Variants in ACSS1 observed in about 807,000 individuals in gnomAD.
ACSS1 encodes the protein acetyl-coenzyme A synthetase 2-like, mitochondrial.
Under a neutral mutation model 75.3 loss-of-function variants are expected in ACSS1, and 42 were observed. The ratio of observed to expected loss-of-function variants is 0.56; its 90% confidence interval spans 0.44 to 0.72. The LOEUF is 0.72. ACSS1 is among the 30% of genes least tolerant of loss of function. ACSS1 has a pLI of 0.00. For missense variants in ACSS1, 782 were observed against 935.7 expected, an observed-to-expected ratio of 0.84 and a Z score of 2.14; for synonymous variants, 380 against 376.8, an observed-to-expected ratio of 1.01 and a Z score of -0.10.
rs571454349 is a variant in ACSS1 at position 25,035,752 on chromosome 20, T to C, written c.432-4794A>G. 1.1e-3 allele frequency among the ~76,000 whole-genome samples: 164 copies of C among 152,362 alleles called. 1 individual carries two copies. Among genetic ancestry groups the C allele is most frequent in the African/African-American group, 3.7e-3 (155 of 41,576 alleles). On this transcript the variant is annotated intron_variant, in intron 2 of 13. Coordinates refer to ENST00000323482, the MANE Select transcript of ACSS1 (RefSeq NM_032501.4). ...AGTTTAAACTCTCATTTTTCATTAG[T>C]AATATCCTCCAGACATATATTATTG...
intron 2 of ACSS1, among the ~76,000 whole-genome samples, chr20:25,044,105 C>T (rs762125085): frequency 6.6e-5 from 10 of 152,188 alleles, no homozygotes; most frequent in Non-Finnish European, 1.2e-4. Context: ...CAGGCTGCTT[C>T]CTGCACCTGG....
intron 2 of ACSS1, among the ~76,000 whole-genome samples, chr20:25,043,205 A>G (rs2089033321): frequency 6.6e-6 from 1 of 152,098 alleles, no homozygotes; most frequent in Non-Finnish European, 1.5e-5. Flanking sequence ...CTGCCTCTCA[A>G]AACTCAACCC....
intron 2 of ACSS1, among the ~76,000 whole-genome samples, chr20:25,031,388 CAG>C (rs1306299919): frequency 6.6e-6 from 1 of 152,202 alleles, no homozygotes; most frequent in Non-Finnish European, 1.5e-5. Flanking sequence ...CTTGCAACAA[CAG>C]AATGTCCAGA....
rs982919587 is a variant in ACSS1 at position 25,007,219 on chromosome 20, T to C, written c.*543A>G. 2.5e-6 allele frequency: 3 copies of C among 1,199,020 alleles called. No homozygotes were observed. The highest frequency in any genetic ancestry group is 3.1e-5 in the African/African-American group (2 of 64,792). The allele number at this position is 1,199,020 out of a possible 1,614,324, so 74.3% of individuals were successfully genotyped here. On this transcript the variant is annotated 3_prime_UTR_variant, in exon 14 of 14. Coordinates refer to ENST00000323482, the MANE Select transcript of ACSS1 (RefSeq NM_032501.4). ...AAAATGTGGCCTCTGATCCTCATGT[T>C]TCCTCACCAGTAGAGGCAAAAAAGG...
chr20:25,041,215 G>A (rs1156319125), intron 2 of ACSS1, among the ~76,000 whole-genome samples: 4 of 147,694 alleles, frequency 2.7e-5, no homozygotes, highest in Admixed American at 6.8e-5. Flanking sequence ...CCGAGATTGC[G>A]CCACTGTACT....
chr20:25,025,869 A>AG lies in ACSS1; in HGVS notation c.632-2229dup, dbSNP rs147458739. On this transcript the variant is annotated intron_variant, in intron 3 of 13. Transcript: ENST00000323482. Reference sequence around the variant, plus strand: ...TAGTTGGAGCAAGTTCTGTGCATTAAGGATGTGGGATTAGATGGAGCCCAC... The same window carrying AG: ...TAGTTGGAGCAAGTTCTGTGCATTAAGGGATGTGGGATTAGATGGAGCCCAC... Among the ~76,000 whole-genome samples the AG allele has an allele frequency of 2.8e-3, 419 of 152,252 alleles. 2 individuals are homozygous for AG. Among genetic ancestry groups the AG allele is most frequent in the African/African-American group, 9.9e-3 (411 of 41,536 alleles).
chr20:25,046,552 G>T, intron 2 of ACSS1: 1 of 509,966 alleles, frequency 2.0e-6, no homozygotes, highest in Admixed American at 3.3e-5. Context: ...TGCCATGGCT[G>T]GGCCCTCCCT....
At position 25,037,815 on chromosome 20, in the gene ACSS1, G is replaced by A. The variant is rs75009701; in HGVS notation, c.432-6857C>T. 3.9e-3 allele frequency among the ~76,000 whole-genome samples: 590 copies of A among 152,320 alleles called. 11 individuals carry two copies. The East Asian group carries it at 0.062, about 16-fold the overall frequency. On this transcript the variant is annotated intron_variant, in intron 2 of 13. Transcript: ENST00000323482. The stretch of plus-strand genomic sequence containing the variant: ...CGCATCTCATGGACCCAGGCCTGGG[G>A]AACAGACTCCTTCCCTCCTGGCAGC...
rs1214840180 is a variant in ACSS1 at position 25,006,754 on chromosome 20, C to G, written c.*1008G>C. ...TAAGTCACATTAAAACAAAGAGAGA[C>G]TGGATCCAGACCTCCAAGTCTCATC... On this transcript the variant is annotated 3_prime_UTR_variant, in exon 14 of 14. Coordinates refer to ENST00000323482, the MANE Select transcript of ACSS1 (RefSeq NM_032501.4). 1 of 1,425,016 alleles carries G rather than the reference C, an allele frequency of 7.0e-7. No homozygotes were observed. The highest frequency in any genetic ancestry group is 1.3e-5 in the South Asian group (1 of 78,232). The allele number at this position is 1,425,016 out of a possible 1,614,324, so 88.3% of individuals were successfully genotyped here. A position where few individuals can be genotyped will look rare whatever the true frequency, so the allele number is the denominator to read the frequency against.
intron 8 of ACSS1, 69 bp downstream of exon 8, chr20:25,015,069 G>T: frequency 7.1e-7 from 1 of 1,410,808 alleles, no homozygotes; most frequent in Non-Finnish European, 9.7e-7. Context: ...TTGGACCCCA[G>T]TCCCAGCCTC....
intron 2 of ACSS1, among the ~76,000 whole-genome samples, chr20:25,047,533 C>T (rs1162213152): frequency 6.6e-6 from 1 of 152,140 alleles, no homozygotes; most frequent in African/African-American, 2.4e-5. Context: ...ACAAGAAGAC[C>T]CTGGAGCTGC....
chr20:25,008,048 C>T (rs989030792), intron 13 of ACSS1, 107 bp from the exon 14 acceptor site: 27 of 1,356,370 alleles, frequency 2.0e-5, no homozygotes, highest in East Asian at 2.5e-5. Flanking sequence ...GATGCCCTCC[C>T]GGGGATCCAC....
chr20:25,041,062 T>C (rs1361391761), intron 2 of ACSS1, among the ~76,000 whole-genome samples: 1 of 152,040 alleles, frequency 6.6e-6, no homozygotes, highest in East Asian at 1.9e-4. Flanking sequence ...ATTGAGACCA[T>C]CCTGGCTAAC....
intron 8 of ACSS1, among the ~76,000 whole-genome samples, chr20:25,014,462 T>C (rs2088480402): frequency 6.6e-6 from 1 of 152,192 alleles, no homozygotes; most frequent in Admixed American, 6.5e-5. Flanking sequence ...ACCCTCACAT[T>C]ATTTCCAGCC....
chr20:25,027,007 C>T (rs2088731003), intron 3 of ACSS1, among the ~76,000 whole-genome samples: 1 of 152,246 alleles, frequency 6.6e-6, no homozygotes, highest in Admixed American at 6.5e-5. Context: ...ACCATGGCCA[C>T]ACCAGCAAGA....
chr20:25,009,649 T>C, intron 12 of ACSS1: 3 of 475,516 alleles, frequency 6.3e-6, no homozygotes, highest in South Asian at 4.6e-5. Flanking sequence ...TCAGCTCTAA[T>C]GCTGACTGGC....
At chr20:25,031,168 C>A in intron 2 of ACSS1, 1 of 667,296 alleles carries the variant, frequency 1.5e-6, no homozygotes, top group South Asian at 1.6e-5. Context: ...CAGAGATTCA[C>A]TGCCACATTG....
intron 7 of ACSS1, among the ~76,000 whole-genome samples, chr20:25,016,147 T>C (rs2088511923): frequency 6.6e-6 from 1 of 151,990 alleles, no homozygotes; most frequent in African/African-American, 2.4e-5. Flanking sequence ...CACTGGTGAG[T>C]CTGAAGCATG....
At chr20:25,056,341 G>A (rs574824611) in intron 1 of ACSS1, among the ~76,000 whole-genome samples, 3 of 152,144 alleles carry the variant, frequency 2.0e-5, no homozygotes, top group Admixed American at 2.0e-4. Flanking sequence ...AAAGGGTTTG[G>A]TTTTTTTCCC....
Sources: gnomAD v4.1 joint callset for allele counts (sites outside exome capture counted in the v4.1 genomes callset) on GRCh38, gnomAD v4.1.1 for gene constraint, MANE v1.5 for transcripts, NCBI Gene and HGNC (gene_info 2026-07-23, HGNC 2026-07-21) for gene names.